The following ASPSCR1 variants were observed in gnomAD, a reference collection of about 807,000 sequenced individuals.
ASPSCR1 encodes the protein ASPSCR1 tether for SLC2A4, UBX domain containing, also known as tether containing UBX domain for GLUT4.
Under a neutral mutation model 68.9 loss-of-function variants are expected in ASPSCR1, and 55 were observed. That is an observed-to-expected ratio of 0.80 (90% CI 0.64 to 1.00). ASPSCR1 has a LOEUF of 1.00. ASPSCR1 is among the 50% of genes least tolerant of loss of function. The pLI is 0.00. For missense variants in ASPSCR1, 765 were observed against 762.2 expected, an observed-to-expected ratio of 1.00 and a Z score of -0.04; for synonymous variants, 352 against 332.6, an observed-to-expected ratio of 1.06 and a Z score of -0.63.
At position 81,987,624 on chromosome 17, in the gene ASPSCR1, G is replaced by T. The variant is rs1466069573; in HGVS notation, c.374+2017G>T. The stretch of plus-strand genomic sequence containing the variant: ...GAGGGTGTCTGGAGAGGTGGGGCCG[G>T]CATTGTGGTAGCATAAGCCTCTTCA... On this transcript the variant is annotated intron_variant, in intron 4 of 15. Transcript: ENST00000306739. This position sits in a 1 kb window ranked among gnomAD's most constrained non-coding sequence, Gnocchi z 5.6. 3.3e-5 allele frequency among the ~76,000 whole-genome samples: 5 copies of T among 152,146 alleles called. No individual in the cohort carries two copies. Among genetic ancestry groups the T allele is most frequent in the Non-Finnish European group, 5.9e-5 (4 of 68,020 alleles).
intron 4 of ASPSCR1, among the ~76,000 whole-genome samples, chr17:81,991,857 A>G (rs1164991138): frequency 6.6e-6 from 1 of 152,236 alleles, no homozygotes; most frequent in East Asian, 1.9e-4. Flanking sequence ...TGTCATACCC[A>G]GACAGGACAT....
rs570174168 is a variant in ASPSCR1 at position 81,996,301 on chromosome 17, G to A, written c.507-119G>A. The A allele has an allele frequency of 1.7e-4, 246 of 1,460,284 alleles. 1 individual carries two copies. Among genetic ancestry groups the A allele is most frequent in the Admixed American group, 2.7e-4 (10 of 37,586 alleles). 90.5% of individuals were successfully genotyped at this position (1,460,284 alleles called of 1,614,324 possible). On this transcript the variant is annotated intron_variant, in intron 6 of 15. Transcript: ENST00000306739. ...TGGGAGGGCGCATGGGGCAGGAGAG[G>A]GTGAACCGGGGGCGGGAGAGGGTGA...
rs533956797 is a variant in ASPSCR1, at chr17:82,009,185, G to A, written c.1082G>A (p.Ser361Asn). 1 of 1,606,398 alleles carries A rather than the reference G, an allele frequency of 6.2e-7. No individual in the cohort carries two copies. Among genetic ancestry groups the A allele is most frequent in the South Asian group, 1.1e-5 (1 of 90,376 alleles). ...AGAAGACGCTTGGCCCAGCTCAAGA[G>A]TGAGCGGTGGGTGCCCCCTCAGTGC... ...DVRRRLAQLK[S>N]ERKRLEEAPL... Residue 361 changes from serine to asparagine, a missense_variant, in exon 8 of 16, where the codon AGT becomes AAT. By Grantham distance (46) the Ser-to-Asn change is conservative (BLOSUM62 1). Transcript: ENST00000306739.
intron 4 of ASPSCR1, 81 bp downstream of exon 4, chr17:81,985,688 T>C: frequency 7.1e-7 from 1 of 1,408,696 alleles, no homozygotes; most frequent in East Asian, 2.3e-5. Context: ...GGTTCAGAGC[T>C]GGACACCCAA....
intron 12 of ASPSCR1, chr17:82,015,220 G>A: frequency 6.3e-7 from 1 of 1,598,304 alleles, no homozygotes; most frequent in Non-Finnish European, 8.5e-7. Flanking sequence ...GGTCCATCCA[G>A]AGGCCGAGCC....
chr17:81,994,247 C>G (rs1300458689), intron 4 of ASPSCR1, among the ~76,000 whole-genome samples: 1 of 152,210 alleles, frequency 6.6e-6, no homozygotes, highest in South Asian at 2.1e-4. Flanking sequence ...TGGCAGAGTC[C>G]GACATGGACT....
chr17:81,979,292 C>T (rs1226725579), intron 2 of ASPSCR1, 53 bp downstream of exon 2: 3 of 1,568,862 alleles, frequency 1.9e-6, no homozygotes, highest in South Asian at 1.1e-5. Context: ...TGCCCCTGCC[C>T]CCTGAACATA....
In ASPSCR1 at chr17:82,016,847, G is replaced by C. The variant is rs1282119827; in HGVS notation, c.1453G>C (p.Ala485Pro). The stretch of plus-strand genomic sequence containing the variant: ...GCTGGAGCATGCCATCTCCCCATCT[G>C]CGGCCGATGTGCTGGTGGCCAGGTA... The part of the protein sequence containing the change: ...GLLEHAISPS[A>P]ADVLVARYMS... The change falls in exon 14 of 16, where the codon GCG (alanine) becomes CCG (proline). Residue 485 changes from alanine (A) to proline (P), a missense_variant. Physicochemically the swap from Ala to Pro is conservative, Grantham distance 27 (BLOSUM62 -1). Transcript: ENST00000306739. 1 of 1,612,008 alleles carries C rather than the reference G, an allele frequency of 6.2e-7. No homozygotes were observed. The highest frequency in any genetic ancestry group is 1.3e-5 in the African/African-American group (1 of 74,920).
In ASPSCR1 at chr17:82,017,367, CT is replaced by C; in HGVS notation, c.*46del. On this transcript the variant is annotated 3_prime_UTR_variant, in exon 16 of 16. Coordinates refer to ENST00000306739, the MANE Select transcript of ASPSCR1 (RefSeq NM_024083.4). ...CCCACTCCGCCAGCCACAGGACCACCTCCTCTGCCAGCAGGAATAAAGACTT... is the reference window on the plus strand; with the variant it reads ...CCCACTCCGCCAGCCACAGGACCACCCCTCTGCCAGCAGGAATAAAGACTT... The C allele has an allele frequency of 6.2e-7, 1 of 1,611,980 alleles. No homozygotes were observed. The highest frequency in any genetic ancestry group is 1.1e-5 in the South Asian group (1 of 91,088).
chr17:82,016,091 C>G (rs954395076), intron 12 of ASPSCR1: 2 of 222,100 alleles, frequency 9.0e-6, no homozygotes, highest in Admixed American at 1.0e-4. Context: ...GGGGATACCC[C>G]AGCCTGGCAG....
rs760681904 is a variant in ASPSCR1, at chr17:81,996,823, C to CAGCAGG, written c.920_925dup (p.Gln307_Glu308dup). On this transcript the variant is annotated inframe_insertion, in exon 7 of 16. Transcript: ENST00000306739. ...GGAGCAGGAGCGGGAGCGGGATCCC[C>CAGCAGG]AGCAGGAGCAGGAGCGGGAGCGGGT... 2 of 1,603,908 alleles carry CAGCAGG rather than the reference C, an allele frequency of 1.2e-6. No homozygotes were observed. The highest frequency in any genetic ancestry group is 1.1e-5 in the South Asian group (1 of 90,388).
At chr17:82,007,787 T>C (rs2042771423) in intron 7 of ASPSCR1, 1 of 152,222 alleles carries the variant, frequency 6.6e-6, no homozygotes, top group Non-Finnish European at 1.5e-5. Context: ...CTCGCGGCCC[T>C]CTGGAATGCA....
In ASPSCR1 at chr17:81,977,662, G is replaced by A. The variant is rs1247495253; in HGVS notation, c.16G>A (p.Gly6Ser). Residue 6 changes from glycine (G) to serine (S), a missense_variant, in exon 1 of 16, where the codon GGC becomes AGC. Physicochemically the swap from Gly to Ser is moderately conservative, Grantham distance 56 (BLOSUM62 0). Transcript: ENST00000306739. This position sits in a 1 kb window ranked among gnomAD's most constrained non-coding sequence, Gnocchi z 5.0. MAAPA[G>S]GGGSAVSVLA... ...TGAGCGGAAAATGGCGGCCCCGGCAGGCGGCGGAGGCTCCGCGGTGTCGGT... is the reference window on the plus strand; with the variant it reads ...TGAGCGGAAAATGGCGGCCCCGGCAAGCGGCGGAGGCTCCGCGGTGTCGGT... 2.9e-6 allele frequency: 4 copies of A among 1,397,530 alleles called. No homozygotes were observed. Among genetic ancestry groups the A allele is most frequent in the South Asian group, 1.4e-5 (1 of 69,042 alleles). 86.6% of individuals were successfully genotyped at this position (1,397,530 alleles called of 1,614,324 possible).
intron 7 of ASPSCR1, among the ~76,000 whole-genome samples, chr17:82,003,950 G>A (rs1174937412): frequency 1.3e-5 from 2 of 152,216 alleles, no homozygotes; most frequent in African/African-American, 4.8e-5. Flanking sequence ...CCCTCTCACC[G>A]GAGCCCTGGC....
chr17:81,984,558 C>T (rs1316800458), intron 3 of ASPSCR1, among the ~76,000 whole-genome samples: 1 of 149,606 alleles, frequency 6.7e-6, no homozygotes. Context: ...CCAGCCTGGG[C>T]GACAGAGTGA....
At chr17:82,016,385 G>C in intron 12 of ASPSCR1, 91 bp from the exon 13 acceptor site, 2 of 1,201,940 alleles carry the variant, frequency 1.7e-6, no homozygotes, top group Non-Finnish European at 2.3e-6. Context: ...TGAGGGTGGA[G>C]CTGGGGCCTG....
chr17:81,983,507 G>T lies in ASPSCR1; in HGVS notation c.159-47G>T. 1 of 1,465,392 alleles carries T rather than the reference G, an allele frequency of 6.8e-7. No individual in the cohort carries two copies. 90.8% of individuals were successfully genotyped at this position (1,465,392 alleles called of 1,614,324 possible). ...GATGGCGGGGCGTGGATGGCAGGGCGTGTCAGGCTCTGCAGGGCAGCAAGT... is the reference window on the plus strand; with the variant it reads ...GATGGCGGGGCGTGGATGGCAGGGCTTGTCAGGCTCTGCAGGGCAGCAAGT... On this transcript the variant is annotated intron_variant, in intron 2 of 15. Coordinates refer to ENST00000306739, the MANE Select transcript of ASPSCR1 (RefSeq NM_024083.4). The surrounding 1 kb of genome is among the most constrained non-coding windows in gnomAD (Gnocchi z 4.4).
intron 11 of ASPSCR1, 93 bp from the exon 12 acceptor site, chr17:82,012,138 C>T (rs750999958): frequency 5.7e-6 from 8 of 1,406,628 alleles, no homozygotes; most frequent in East Asian, 4.6e-5. Flanking sequence ...CCACTTGAGG[C>T]GTCACCCCCA....
chr17:82,000,969 C>T (rs911344721), intron 7 of ASPSCR1, among the ~76,000 whole-genome samples: 8 of 152,252 alleles, frequency 5.3e-5, no homozygotes, highest in African/African-American at 1.4e-4. Flanking sequence ...TGGGTCTGCC[C>T]GCACGGGCTG....
Sources: allele counts gnomAD v4.1 joint callset (sites outside exome capture counted in the v4.1 genomes callset), GRCh38; gene constraint gnomAD v4.1.1; non-coding constraint Gnocchi (gnomAD v3.1); transcripts MANE v1.5; gene names NCBI Gene and HGNC (gene_info 2026-07-23, HGNC 2026-07-21).